Variants in RTBDN observed in about 807,000 individuals in gnomAD.
RTBDN encodes retbindin.
In RTBDN, 24 loss-of-function variants were observed where a neutral mutation model predicts 21.9. That is an observed-to-expected ratio of 1.10 (90% confidence interval 0.79 to 1.54). The LOEUF (loss-of-function observed/expected upper bound fraction) is 1.54, where lower values mean the gene tolerates loss of function less well. Ranked by LOEUF, RTBDN falls within the 40% of genes most tolerant of loss-of-function variation. The probability of loss-of-function intolerance (pLI) is 0.00; values close to 1 mark genes in which losing one functional copy is unlikely to be tolerated. For synonymous variants in RTBDN, 141 were observed against 125.9 expected (o/e 1.12, Z -0.80); for missense variants, 325 against 315.2 (o/e 1.03, Z -0.23).
chr19:12,826,271 G>A (rs1167916218), intron 5 of RTBDN: 3 of 1,244,924 alleles, frequency 2.4e-6, no homozygotes, highest in South Asian at 1.7e-5. Flanking sequence ...CTTGGGAAGG[G>A]CAAATCTGGA....
rs1259973121 is a variant in RTBDN, at chr19:12,830,098, A to C, written c.-18-101T>G. Reference sequence around the variant, plus strand: ...AAGCAGTGCCAGGCAGAGTAGGGAAAGTGCAGCTGAGGAGGAGGCTGGGGC... The same window carrying C: ...AAGCAGTGCCAGGCAGAGTAGGGAACGTGCAGCTGAGGAGGAGGCTGGGGC... On this transcript the variant is annotated intron_variant, in intron 1 of 5. Coordinates refer to ENST00000674343, the MANE Select transcript of RTBDN (RefSeq NM_001270441.2). The surrounding 1 kb of genome is among the most constrained non-coding windows in gnomAD (Gnocchi z 4.2). The C allele has an allele frequency of 7.2e-7, 1 of 1,396,138 alleles. No homozygotes were observed. Among genetic ancestry groups the C allele is most frequent in the Non-Finnish European group, 9.7e-7 (1 of 1,032,258 alleles). 86.5% of individuals were successfully genotyped at this position (1,396,138 alleles called of 1,614,324 possible). A position where few individuals can be genotyped will look rare whatever the true frequency, so the allele number is the denominator to read the frequency against.
intron 1 of RTBDN, chr19:12,833,900 T>TCCTCCCTCCTCCCGCCGCCGCTA (rs1969668166): frequency 6.3e-6 from 1 of 159,372 alleles, no homozygotes. Flanking sequence ...ACTCCCTCCC[T>TCCTCCCTCCTCCCGCCGCCGCTA]CCTCCCTCCT....
upstream of RTBDN, chr19:12,834,611 G>A (rs1969695017): frequency 3.3e-6 from 5 of 1,515,772 alleles, no homozygotes; most frequent in South Asian, 6.1e-5. The surrounding 1 kb of genome is among the most constrained non-coding windows in gnomAD (Gnocchi z 4.7). Flanking sequence ...CTCAAGTCCA[G>A]CCCAGCTTGT....
At position 12,830,395 on chromosome 19, in the gene RTBDN, T is replaced by C; in HGVS notation, c.-18-398A>G. The C allele has an allele frequency of 1.0e-6, 1 of 992,004 alleles. No individual in the cohort carries two copies. Among genetic ancestry groups the C allele is most frequent in the Non-Finnish European group, 1.2e-6 (1 of 834,436 alleles). The allele number at this position is 992,004 out of a possible 1,614,324, so 61.5% of individuals were successfully genotyped here. On this transcript the variant is annotated intron_variant, in intron 1 of 5. Transcript: ENST00000674343. This position sits in a 1 kb window ranked among gnomAD's most constrained non-coding sequence, Gnocchi z 4.2. ...CTCCCTCTCTTCTATGCGGCCTCCCTCCTCCCTCTCTCGCTCCCTGCCGGC... is the reference window on the plus strand; with the variant it reads ...CTCCCTCTCTTCTATGCGGCCTCCCCCCTCCCTCTCTCGCTCCCTGCCGGC...
intron 4 of RTBDN, among the ~76,000 whole-genome samples, chr19:12,827,527 T>G (rs1210185661): frequency 6.6e-6 from 1 of 151,904 alleles, no homozygotes; most frequent in Non-Finnish European, 1.5e-5. Context: ...TTCACCACGT[T>G]GGCCAAGCTT....
chr19:12,832,574 C>G (rs1210941163), intron 1 of RTBDN: 1 of 152,240 alleles, frequency 6.6e-6, no homozygotes, highest in Non-Finnish European at 1.5e-5. Flanking sequence ...CAGGAGCGCG[C>G]GAGACCAGCA....
chr19:12,835,375 A>C (rs377389102), upstream of RTBDN: 68 of 489,296 alleles, frequency 1.4e-4, no homozygotes, highest in African/African-American at 1.1e-3. Flanking sequence ...CAGCTGCGGC[A>C]AAGTTAGAGC....
chr19:12,827,537 T>A (rs947626572), intron 4 of RTBDN, among the ~76,000 whole-genome samples: 6 of 151,748 alleles, frequency 4.0e-5, no homozygotes, highest in Admixed American at 3.3e-4. Context: ...TGGCCAAGCT[T>A]GTCTCAAACT....
rs1222498828 is a variant in RTBDN at position 12,826,775 on chromosome 19, C to T, written c.462G>A (p.Gln154=). ...CCTTCACCTTCTGCCCCACGCTCAC[C>T]TGTCCATAGGTAAGGCAGCTGGGCT... is the stretch of plus-strand genomic sequence containing the variant. The part of the protein sequence containing the change: ...GCEPSCLTYG[Q]TFADGTDLCR... The change falls in exon 5 of 6, where the codon CAG becomes CAA. Residue 154 remains glutamine (Q), a splice_region_variant and synonymous_variant. Coordinates refer to ENST00000674343, the MANE Select transcript of RTBDN (RefSeq NM_001270441.2). The T allele has an allele frequency of 1.4e-5, 22 of 1,546,370 alleles. No individual in the cohort carries two copies. Among genetic ancestry groups the T allele is most frequent in the Non-Finnish European group, 1.8e-5 (21 of 1,142,184 alleles).
chr19:12,830,318 A>T lies in RTBDN; in HGVS notation c.-18-321T>A. On this transcript the variant is annotated intron_variant, in intron 1 of 5. Transcript: ENST00000674343. The surrounding 1 kb of genome is among the most constrained non-coding windows in gnomAD (Gnocchi z 4.2). ...TCAAGAGACCCCTTCTTTTCTCAGA[A>T]TGAAGGGGACCTCCCTAGGTCTTCC... 9.3e-7 allele frequency: 1 copy of T among 1,071,578 alleles called. No individual in the cohort carries two copies. Among genetic ancestry groups the T allele is most frequent in the Non-Finnish European group, 1.1e-6 (1 of 884,320 alleles). The allele number at this position is 1,071,578 out of a possible 1,614,324, so 66.4% of individuals were successfully genotyped here.
In RTBDN at chr19:12,830,625, T is replaced by A; in HGVS notation, c.-18-628A>T. The A allele has an allele frequency of 9.1e-6, 9 of 985,538 alleles. No homozygotes were observed. Among genetic ancestry groups the A allele is most frequent in the Non-Finnish European group, 1.1e-5 (9 of 830,022 alleles). 61.0% of individuals were successfully genotyped at this position (985,538 alleles called of 1,614,324 possible). On this transcript the variant is annotated intron_variant, in intron 1 of 5. Coordinates refer to ENST00000674343, the MANE Select transcript of RTBDN (RefSeq NM_001270441.2). The surrounding 1 kb of genome is among the most constrained non-coding windows in gnomAD (Gnocchi z 4.2). ...TCAGCCCCTCACCTGTTGGCTGGATTGGGGTCTAGAGGCCGCTAAGACACC... is the reference window on the plus strand; with the variant it reads ...TCAGCCCCTCACCTGTTGGCTGGATAGGGGTCTAGAGGCCGCTAAGACACC...
In RTBDN at chr19:12,830,131, A is replaced by G. The variant is rs987063364; in HGVS notation, c.-18-134T>C. 3.9e-6 allele frequency: 5 copies of G among 1,281,280 alleles called. No homozygotes were observed. The highest frequency in any genetic ancestry group is 2.7e-5 in the Admixed American group (1 of 36,688). The allele number at this position is 1,281,280 out of a possible 1,614,324, so 79.4% of individuals were successfully genotyped here. ...TGAGGAGGAGGCTGGGGCAGTGGCC[A>G]AGGACGTTCAAATCCCAGGAGACCA... is the stretch of plus-strand genomic sequence containing the variant. On this transcript the variant is annotated intron_variant, in intron 1 of 5. Transcript: ENST00000674343. This position sits in a 1 kb window ranked among gnomAD's most constrained non-coding sequence, Gnocchi z 4.2.
At chr19:12,828,399 A>T (rs1366269692) in intron 4 of RTBDN, among the ~76,000 whole-genome samples, 4 of 152,278 alleles carry the variant, frequency 2.6e-5, no homozygotes, top group African/African-American at 4.8e-5. Flanking sequence ...CCATCTCAAA[A>T]AAAAAAAGAA....
At chr19:12,826,084 G>C in intron 5 of RTBDN, 151 bp from the exon 6 acceptor site, 1 of 1,411,672 alleles carries the variant, frequency 7.1e-7, no homozygotes, top group Admixed American at 3.1e-5. Context: ...ACGTGAGTGG[G>C]GGCAGGTCCT....
intron 5 of RTBDN, chr19:12,826,361 G>T: frequency 1.6e-6 from 2 of 1,267,542 alleles, no homozygotes; most frequent in African/African-American, 1.5e-5. Context: ...GACCTGGGGA[G>T]TACCAATCCG....
intron 2 of RTBDN, among the ~76,000 whole-genome samples, chr19:12,829,206 T>C (rs1969455498): frequency 6.6e-6 from 1 of 151,574 alleles, no homozygotes; most frequent in South Asian, 2.1e-4. Flanking sequence ...TTTTTTTTTT[T>C]CTTTTTTTCT....
upstream of RTBDN, chr19:12,834,980 C>T: frequency 6.4e-7 from 1 of 1,556,994 alleles, no homozygotes; most frequent in African/African-American, 1.4e-5. This position sits in a 1 kb window ranked among gnomAD's most constrained non-coding sequence, Gnocchi z 4.7. Context: ...TGGGGCTCAG[C>T]CCCAGGCTTG....
In RTBDN at chr19:12,825,650, C is replaced by A. The variant is rs1048273402; in HGVS notation, c.*56G>T. 44 of 1,527,080 alleles carry A rather than the reference C, an allele frequency of 2.9e-5. No individual in the cohort carries two copies. Among genetic ancestry groups the A allele is most frequent in the Non-Finnish European group, 3.9e-5 (44 of 1,136,766 alleles). 94.6% of individuals were successfully genotyped at this position (1,527,080 alleles called of 1,614,324 possible). A position where few individuals can be genotyped will look rare whatever the true frequency, so the allele number is the denominator to read the frequency against. ...GGACGAGGGGTGGGGTTCTGGGTGT[C>A]CTGAGGGGCGGGGCTGGGGGAAGGG... is the stretch of plus-strand genomic sequence containing the variant. On this transcript the variant is annotated 3_prime_UTR_variant, in exon 6 of 6. Transcript: ENST00000674343.
intron 1 of RTBDN, among the ~76,000 whole-genome samples, chr19:12,833,768 CG>C (rs2145868679): frequency 7.2e-6 from 1 of 138,918 alleles, no homozygotes; most frequent in East Asian, 2.5e-4. Context: ...TGGCTGAGCC[CG>C]GGCTCGGGCG....
Sources: allele counts gnomAD v4.1 joint callset (sites outside exome capture counted in the v4.1 genomes callset), GRCh38; gene constraint gnomAD v4.1.1; non-coding constraint Gnocchi (gnomAD v3.1); transcripts MANE v1.5; gene names NCBI Gene and HGNC (gene_info 2026-07-23, HGNC 2026-07-21).